KCNH7: variants seen among roughly 807,000 people sequenced by gnomAD.
KCNH7 encodes the protein potassium voltage-gated channel subfamily H member 7, also known as voltage-gated inwardly rectifying potassium channel KCNH7.
KCNH7 carries 49 observed loss-of-function variants against 120.8 expected under a neutral mutation model. The ratio of observed to expected loss-of-function variants is 0.41; its 90% CI spans 0.32 to 0.51. KCNH7 has a LOEUF of 0.51. KCNH7 is among the 20% of genes least tolerant of loss of function. The pLI is 0.38. For synonymous variants in KCNH7, 547 were observed against 516.1 expected (o/e 1.06, Z -0.81); for missense variants, 1,097 against 1,446.6 (o/e 0.76, Z 3.92).
At chr2:162,530,592 A>G (rs1159114198) in intron 3 of KCNH7, among the ~76,000 whole-genome samples, 1 of 152,032 alleles carries the variant, frequency 6.6e-6, no homozygotes, top group African/African-American at 2.4e-5. Context: ...CTTTGTAACC[A>G]TATTTTTATT....
At chr2:162,563,899 C>T (rs551574868) in intron 2 of KCNH7, among the ~76,000 whole-genome samples, 54 of 152,182 alleles carry the variant, frequency 3.5e-4, no homozygotes, top group Non-Finnish European at 6.6e-4. Context: ...TTTATTGTGG[C>T]GTTATTTAAG....
chr2:162,572,970 T>C (rs1269026975), intron 2 of KCNH7, among the ~76,000 whole-genome samples: 1 of 151,982 alleles, frequency 6.6e-6, no homozygotes, highest in Non-Finnish European at 1.5e-5. Context: ...GTGGGTGCAG[T>C]GCACCAGCAT....
chr2:162,420,336 G>T (rs1687662946), intron 9 of KCNH7, among the ~76,000 whole-genome samples: 1 of 152,100 alleles, frequency 6.6e-6, no homozygotes, highest in Admixed American at 6.6e-5. Context: ...AGATGGCACT[G>T]CTGCACTCTA....
At chr2:162,426,858 T>C (rs1206935463) in intron 8 of KCNH7, among the ~76,000 whole-genome samples, 1 of 152,160 alleles carries the variant, frequency 6.6e-6, no homozygotes, top group Non-Finnish European at 1.5e-5. Context: ...TTGTGTTCTT[T>C]GGCTGCTTGT....
intron 2 of KCNH7, among the ~76,000 whole-genome samples, chr2:162,703,521 G>A (rs1430332110): frequency 1.3e-5 from 2 of 152,112 alleles, no homozygotes; most frequent in Non-Finnish European, 2.9e-5. Context: ...TTTGATGAAT[G>A]TATGAAATGT....
At chr2:162,461,174 TAAAAAC>T (rs1689134113) in intron 6 of KCNH7, among the ~76,000 whole-genome samples, 1 of 152,034 alleles carries the variant, frequency 6.6e-6, no homozygotes, top group Non-Finnish European at 1.5e-5. Context: ...ATCAACAAAA[TAAAAAC>T]AAAGACAATG....
At chr2:162,429,877 A>ATT (rs780846857) in intron 8 of KCNH7, among the ~76,000 whole-genome samples, 3 of 145,182 alleles carry the variant, frequency 2.1e-5, no homozygotes, top group Admixed American at 6.8e-5. Flanking sequence ...AAAAAAACAG[A>ATT]TTTTTTTTTT....
intron 2 of KCNH7, among the ~76,000 whole-genome samples, chr2:162,767,438 A>T (rs1441105926): frequency 6.6e-6 from 1 of 152,126 alleles, no homozygotes; most frequent in East Asian, 1.9e-4. Flanking sequence ...TTTTTCCTGA[A>T]CTTGAGAGGT....
At chr2:162,409,156 T>A (rs1687314482) in intron 9 of KCNH7, among the ~76,000 whole-genome samples, 1 of 151,586 alleles carries the variant, frequency 6.6e-6, no homozygotes, top group Non-Finnish European at 1.5e-5. Flanking sequence ...ATTCCGTGAA[T>A]AAAATCAAAT....
At chr2:162,834,743 T>C (rs2105625861) in intron 2 of KCNH7, among the ~76,000 whole-genome samples, 1 of 152,262 alleles carries the variant, frequency 6.6e-6, no homozygotes, top group Middle Eastern at 3.4e-3. Context: ...ATTGCACAAC[T>C]TTCAAAACAT....
intron 5 of KCNH7, among the ~76,000 whole-genome samples, chr2:162,509,801 G>GT (rs751400493): frequency 6.6e-6 from 1 of 151,548 alleles, no homozygotes; most frequent in Non-Finnish European, 1.5e-5. Flanking sequence ...GATAAAAGCT[G>GT]TAACAAACCT....
At chr2:162,757,894 A>T (rs1688842352) in intron 2 of KCNH7, among the ~76,000 whole-genome samples, 3 of 152,162 alleles carry the variant, frequency 2.0e-5, no homozygotes, top group African/African-American at 2.4e-5. Context: ...AATTCATATG[A>T]GTCACTACCA....
At chr2:162,836,202 G>A (rs567147969) in intron 2 of KCNH7, among the ~76,000 whole-genome samples, 26 of 152,158 alleles carry the variant, frequency 1.7e-4, no homozygotes, top group African/African-American at 4.6e-4. Context: ...TGTATTTCTC[G>A]CCTACCAAAT....
intron 2 of KCNH7, among the ~76,000 whole-genome samples, chr2:162,634,526 T>G (rs1683888094): frequency 6.6e-6 from 1 of 152,122 alleles, no homozygotes; most frequent in Non-Finnish European, 1.5e-5. Flanking sequence ...CTTTTATGTG[T>G]AAGTGTTGCA....
rs140501872 is a variant in KCNH7, at chr2:162,752,902, G to GAAAAAAGAAAAGAAAAGAAA, written c.307+83634_307+83635insTTTCTTTTCTTTTCTTTTTT. ...GGCAAAAGAGCAAGACTACATCTCA[G>GAAAAAAGAAAAGAAAAGAAA]AAAAAGAAAAGAAAAGAAAAGAAAA... On this transcript the variant is annotated intron_variant, in intron 2 of 15. Transcript: ENST00000332142. 1.3e-4 allele frequency among the ~76,000 whole-genome samples: 8 copies of GAAAAAAGAAAAGAAAAGAAA among 61,218 alleles called. 1 individual carries two copies. Among genetic ancestry groups the GAAAAAAGAAAAGAAAAGAAA allele is most frequent in the Non-Finnish European group, 2.2e-4 (8 of 36,522 alleles). The allele number at this position is 61,218 out of a possible 152,430, so 40.2% of individuals were successfully genotyped here.
intron 2 of KCNH7, among the ~76,000 whole-genome samples, chr2:162,695,035 G>T (rs1018927177): frequency 1.3e-5 from 2 of 151,998 alleles, no homozygotes; most frequent in African/African-American, 4.8e-5. Flanking sequence ...GAAAGTGCTG[G>T]GATTGCAGGC....
chr2:162,488,828 G>A (rs1044383121), intron 6 of KCNH7, among the ~76,000 whole-genome samples: 5 of 152,100 alleles, frequency 3.3e-5, no homozygotes, highest in African/African-American at 1.2e-4. Context: ...CAGTGCCAGG[G>A]CTCCGACACC....
chr2:162,512,687 CAT>C lies in KCNH7; in HGVS notation c.893-15_893-14del. Reference sequence around the variant, plus strand: ...TTGCGACCATTGTCTGTTTTGAGCACATAAGGATAAAAAAAGAGAAATATAAA... The same window carrying C: ...TTGCGACCATTGTCTGTTTTGAGCACAAGGATAAAAAAAGAGAAATATAAA... On this transcript the variant is annotated splice_polypyrimidine_tract_variant and intron_variant, in intron 4 of 15. Coordinates refer to ENST00000332142, the MANE Select transcript of KCNH7 (RefSeq NM_033272.4). 1 of 1,601,372 alleles carries C rather than the reference CAT, an allele frequency of 6.2e-7. No individual in the cohort carries two copies. The highest frequency in any genetic ancestry group is 8.5e-7 in the Non-Finnish European group (1 of 1,171,344).
At chr2:162,475,712 A>C (rs1689713334) in intron 6 of KCNH7, among the ~76,000 whole-genome samples, 1 of 152,150 alleles carries the variant, frequency 6.6e-6, no homozygotes, top group Admixed American at 6.5e-5. Flanking sequence ...AAGAGGGCAA[A>C]TTTAACATGG....
Sources: allele counts gnomAD v4.1 joint callset (sites outside exome capture counted in the v4.1 genomes callset), GRCh38; gene constraint gnomAD v4.1.1; transcripts MANE v1.5; gene names NCBI Gene and HGNC (gene_info 2026-07-23, HGNC 2026-07-21).